Variants in TRIM69 observed in about 807,000 individuals in gnomAD.
TRIM69 encodes the protein E3 ubiquitin-protein ligase TRIM69.
Under a neutral mutation model 37.7 loss-of-function variants are expected in TRIM69, and 29 were observed. The ratio of observed to expected loss-of-function variants is 0.77; its 90% confidence interval spans 0.57 to 1.05. TRIM69 has a LOEUF of 1.05. TRIM69 is among the 50% of genes least tolerant of loss of function. The probability of loss-of-function intolerance (pLI) is 0.00; values close to 1 mark genes in which losing one functional copy is unlikely to be tolerated. For missense variants in TRIM69, 596 were observed against 579.9 expected, an observed-to-expected ratio of 1.03 and a Z score of -0.28; for synonymous variants, 209 against 212.4, an observed-to-expected ratio of 0.98 and a Z score of 0.14.
intron 6 of TRIM69, among the ~76,000 whole-genome samples, chr15:44,767,018 C>G (rs1156884333): frequency 3.2e-5 from 4 of 126,064 alleles, no homozygotes; most frequent in Admixed American, 1.0e-4. Flanking sequence ...GAGATCGCAC[C>G]ACTGCACTCC....
Position 44,762,613 on chromosome 15 carries a change from T to C in TRIM69, c.961+2741T>C, listed in dbSNP as rs1218509232. ...GTTTCTATTGTTATTCAAGTTCTCA[T>C]CTTTTCTTCTGCATGGTCTAACCTT... On this transcript the variant is annotated intron_variant, in intron 6 of 6. Coordinates refer to ENST00000329464, the MANE Select transcript of TRIM69 (RefSeq NM_182985.5). Among the ~76,000 whole-genome samples the C allele has an allele frequency of 3.3e-5, 5 of 152,146 alleles. No individual in the cohort carries two copies. The East Asian group carries it at 9.6e-4, about 29-fold the overall frequency.
intron 1 of TRIM69, among the ~76,000 whole-genome samples, chr15:44,740,740 G>T (rs374388750): frequency 6.6e-6 from 1 of 151,124 alleles, no homozygotes; most frequent in East Asian, 2.0e-4. Flanking sequence ...TAATGGTAAA[G>T]GGATCAATTC....
intron 6 of TRIM69, among the ~76,000 whole-genome samples, chr15:44,760,994 T>A (rs1272707143): frequency 6.6e-6 from 1 of 152,074 alleles, no homozygotes; most frequent in African/African-American, 2.4e-5. Context: ...CTCTGCTCAC[T>A]GCAAGCTCTG....
At chr15:44,764,379 G>T (rs1480717234) in intron 6 of TRIM69, among the ~76,000 whole-genome samples, 1 of 152,098 alleles carries the variant, frequency 6.6e-6, no homozygotes, top group East Asian at 1.9e-4. Flanking sequence ...GGTAACTGTG[G>T]TCAGACCTTT....
chr15:44,749,401 C>T (rs180867837), intron 1 of TRIM69, among the ~76,000 whole-genome samples: 1 of 152,318 alleles, frequency 6.6e-6, no homozygotes, highest in East Asian at 1.9e-4. Flanking sequence ...ATATCTCCTT[C>T]TCTCCAGCCC....
At chr15:44,765,861 G>A (rs1322551973) in intron 6 of TRIM69, among the ~76,000 whole-genome samples, 2 of 152,030 alleles carry the variant, frequency 1.3e-5, no homozygotes, top group African/African-American at 4.8e-5. Flanking sequence ...ACAAATGCAT[G>A]CATACATGTA....
rs767000657 is a variant in TRIM69, at chr15:44,755,181, G to A, written c.288G>A (p.Leu96=). ...QYNNCTFNPV[L]DKLVEKIKKL... ...ACAACTGTACATTCAACCCTGTACTGGACAAGTTGGTAGAGAAGATTAAGA... is the reference window on the plus strand; with the variant it reads ...ACAACTGTACATTCAACCCTGTACTAGACAAGTTGGTAGAGAAGATTAAGA... Residue 96 remains leucine, a synonymous_variant, in exon 2 of 7, where the codon CTG becomes CTA. Coordinates refer to ENST00000329464, the MANE Select transcript of TRIM69 (RefSeq NM_182985.5). 9.9e-6 allele frequency: 16 copies of A among 1,614,184 alleles called. No individual in the cohort carries two copies. The highest frequency in any genetic ancestry group is 1.6e-4 in the Middle Eastern group (1 of 6,062).
chr15:44,759,067 A>T (rs2087717202), intron 4 of TRIM69, among the ~76,000 whole-genome samples: 1 of 152,232 alleles, frequency 6.6e-6, no homozygotes, highest in South Asian at 2.1e-4. Context: ...CCTCTTAGGA[A>T]ATACGATTTT....
intron 6 of TRIM69, among the ~76,000 whole-genome samples, chr15:44,761,875 G>A (rs1357179849): frequency 6.6e-6 from 1 of 152,036 alleles, no homozygotes; most frequent in Non-Finnish European, 1.5e-5. Flanking sequence ...TTAAATTGTT[G>A]TATTATTAAG....
intron 1 of TRIM69, among the ~76,000 whole-genome samples, chr15:44,752,277 G>A (rs925033384): frequency 1.3e-5 from 2 of 152,038 alleles, no homozygotes; most frequent in East Asian, 1.9e-4. Context: ...TTTGCTACAC[G>A]TATTTTGAGG....
intron 6 of TRIM69, among the ~76,000 whole-genome samples, chr15:44,766,302 A>G (rs909848334): frequency 4.6e-5 from 7 of 152,014 alleles, no homozygotes; most frequent in African/African-American, 1.7e-4. Flanking sequence ...TGTTAACCAC[A>G]TGGTATGTGG....
intron 1 of TRIM69, among the ~76,000 whole-genome samples, chr15:44,739,729 G>T (rs1336378243): frequency 1.3e-5 from 2 of 151,910 alleles, no homozygotes; most frequent in Admixed American, 6.5e-5. Context: ...CAGCCGGGAA[G>T]CTCGAACTGG....
At chr15:44,742,132 CT>C (rs1219610299) in intron 1 of TRIM69, among the ~76,000 whole-genome samples, 1 of 151,106 alleles carries the variant, frequency 6.6e-6, no homozygotes, top group Non-Finnish European at 1.5e-5. Context: ...ATCAAGTGGG[CT>C]TCATCCCTGG....
At chr15:44,764,833 G>A (rs2087852609) in intron 6 of TRIM69, among the ~76,000 whole-genome samples, 1 of 152,200 alleles carries the variant, frequency 6.6e-6, no homozygotes, top group African/African-American at 2.4e-5. Context: ...CCTGAAGTAG[G>A]AATGATCTTC....
At chr15:44,738,050 CTTTCTT>C (rs1229056320) in intron 1 of TRIM69, among the ~76,000 whole-genome samples, 8 of 118,002 alleles carry the variant, frequency 6.8e-5, no homozygotes, top group African/African-American at 1.3e-4. Flanking sequence ...TACTTTCTTT[CTTTCTT>C]TTTTTTTTTT....
At chr15:44,753,908 G>C (rs2087586958) in intron 1 of TRIM69, 1 of 151,966 alleles carries the variant, frequency 6.6e-6, no homozygotes, top group South Asian at 2.1e-4. Context: ...TAGAGACAGG[G>C]TTTCACCATG....
intron 1 of TRIM69, among the ~76,000 whole-genome samples, chr15:44,752,181 T>C (rs2087548833): frequency 6.6e-6 from 1 of 152,192 alleles, no homozygotes; most frequent in African/African-American, 2.4e-5. Flanking sequence ...TTTTCTTCTG[T>C]TATTGATTTC....
chr15:44,767,147 A>G, intron 6 of TRIM69, 84 bp from the exon 7 acceptor site: 1 of 1,117,026 alleles, frequency 9.0e-7, no homozygotes, highest in Non-Finnish European at 1.3e-6. Context: ...AGTACTATTG[A>G]ATATGAAATA....
chr15:44,763,524 C>T (rs1039317272), intron 6 of TRIM69, among the ~76,000 whole-genome samples: 1 of 152,158 alleles, frequency 6.6e-6, no homozygotes. Flanking sequence ...TTGTGCACAG[C>T]CCACGCTTAA....
Sources: gnomAD v4.1 joint callset for allele counts (sites outside exome capture counted in the v4.1 genomes callset) on GRCh38, gnomAD v4.1.1 for gene constraint, MANE v1.5 for transcripts, NCBI Gene and HGNC (gene_info 2026-07-23, HGNC 2026-07-21) for gene names.